Variants in EXOC8 observed in about 807,000 individuals in gnomAD.
EXOC8 encodes exocyst complex 84 kDa subunit.
A neutral mutation model predicts 50.8 loss-of-function variants in EXOC8; 19 were observed. The observed-to-expected ratio is 0.37, with a 90% CI of 0.26 to 0.55. EXOC8 has a LOEUF of 0.55. Among genes scored for constraint, EXOC8 ranks in the 20% least tolerant of loss-of-function variants. The pLI, the probability that EXOC8 is intolerant of heterozygous loss-of-function variation, is 0.80. For missense variants in EXOC8, 781 were observed against 915.8 expected (o/e 0.85, Z 1.90); for synonymous variants, 384 against 367.9 (o/e 1.04, Z -0.50).
In EXOC8 at chr1:231,336,198, A is replaced by G; in HGVS notation, c.1548T>C (p.Ser516=). Reference sequence around the variant, plus strand: ...CCACTTTTACACACTCAGCTGCTGTAGAGAGGCTCTCCTTACTATCAAACA... The same window carrying G: ...CCACTTTTACACACTCAGCTGCTGTGGAGAGGCTCTCCTTACTATCAAACA... ...KQVFDSKESL[S]TAAECVKVAK... is the part of the protein sequence containing the mutation. Residue 516 remains serine, a synonymous_variant, in exon 1 of 1, where the codon TCT becomes TCC. Coordinates refer to ENST00000366645, the MANE Select transcript of EXOC8 (RefSeq NM_175876.5). This position sits in a 1 kb window ranked among gnomAD's most constrained non-coding sequence, Gnocchi z 5.4. The G allele has an allele frequency of 6.2e-7, 1 of 1,614,134 alleles. No individual in the cohort carries two copies. Among genetic ancestry groups the G allele is most frequent in the Non-Finnish European group, 8.5e-7 (1 of 1,180,032 alleles).
Position 231,337,445 on chromosome 1 carries a change from T to C in EXOC8, c.301A>G (p.Ile101Val). ...LTEQKSSLES[I>V]PLTLLPAAAA... ...GCGGCAGGCAGCAACGTAAGCGGGA[T>C]GCTCTCCAGGCTGCTTTTCTGCTCG... The change falls in exon 1 of 1, where the codon ATC (isoleucine) becomes GTC (valine). Residue 101 changes from isoleucine (I) to valine (V), a missense_variant. By Grantham distance (29) the Ile-to-Val change is conservative. Around this residue, in one of 3 missense-constraint regions of EXOC8, gnomAD observed 700 missense variants for 804.1 expected, o/e 0.87. Coordinates refer to ENST00000366645, the MANE Select transcript of EXOC8 (RefSeq NM_175876.5). This position sits in a 1 kb window ranked among gnomAD's most constrained non-coding sequence, Gnocchi z 5.9. The C allele has an allele frequency of 1.9e-6, 3 of 1,611,100 alleles. No individual in the cohort carries two copies. Among genetic ancestry groups the C allele is most frequent in the Non-Finnish European group, 2.5e-6 (3 of 1,179,930 alleles).
Position 231,337,316 on chromosome 1 carries a change from CG to C in EXOC8, c.429del (p.Gly145ValfsTer45). 6.2e-7 allele frequency: 1 copy of C among 1,603,200 alleles called. No individual in the cohort carries two copies. The highest frequency in any genetic ancestry group is 8.5e-7 in the Non-Finnish European group (1 of 1,179,922). On this transcript the variant is annotated frameshift_variant, in exon 1 of 1. Transcript: ENST00000366645. LOFTEE classifies it high-confidence loss of function. This position sits in a 1 kb window ranked among gnomAD's most constrained non-coding sequence, Gnocchi z 5.9. The part of the protein sequence containing the change: ...LRGQAGFFST[P>X]GGASRDGSGP... ...CCGGAGCCGTCGCGGGAGGCACCCCCGGGGGTGGAGAAAAAGCCGGCCTGGC... is the reference window on the plus strand; with the variant it reads ...CCGGAGCCGTCGCGGGAGGCACCCCCGGGGTGGAGAAAAAGCCGGCCTGGC...
In EXOC8 at chr1:231,333,427, GA is replaced by G. The variant is rs572122296; in HGVS notation, c.*2140del. The G allele has an allele frequency of 6.6e-6, 1 of 152,502 alleles. No homozygotes were observed. Among genetic ancestry groups the G allele is most frequent in the Admixed American group, 6.5e-5 (1 of 15,284 alleles). The allele number at this position is 152,502 out of a possible 1,614,324, so 9.4% of individuals were successfully genotyped here. A position where few individuals can be genotyped will look rare whatever the true frequency, so the allele number is the denominator to read the frequency against. ...AGTTTTAAAAAGCAGACAATTCTATGAAGAAGCAACCATTTAAATATCTAAC... is the reference window on the plus strand; with the variant it reads ...AGTTTTAAAAAGCAGACAATTCTATGAGAAGCAACCATTTAAATATCTAAC... On this transcript the variant is annotated 3_prime_UTR_variant, in exon 1 of 1. Transcript: ENST00000366645.
chr1:231,336,975 G>A lies in EXOC8; in HGVS notation c.771C>T (p.Pro257=), dbSNP rs759512430. ...TTTCGGCCTGGAAAATACGGCTCTC[G>A]GGGAACATAAGCAGCTTGAACATGT... The part of the protein sequence containing the change: ...MKDMFKLLMF[P]ESRIFQAENA... Residue 257 remains proline, a synonymous_variant, in exon 1 of 1, where the codon CCC becomes CCT. Transcript: ENST00000366645. The surrounding 1 kb of genome is among the most constrained non-coding windows in gnomAD (Gnocchi z 5.4). 5 of 1,614,080 alleles carry A rather than the reference G, an allele frequency of 3.1e-6. No homozygotes were observed. The highest frequency in any genetic ancestry group is 1.1e-5 in the South Asian group (1 of 91,074).
At position 231,336,452 on chromosome 1, in the gene EXOC8, A is replaced by G. The variant is rs762533589; in HGVS notation, c.1294T>C (p.Leu432=). 6.2e-7 allele frequency: 1 copy of G among 1,613,900 alleles called. No homozygotes were observed. Among genetic ancestry groups the G allele is most frequent in the Middle Eastern group, 1.7e-4 (1 of 6,060 alleles). ...TGAACAGCGGCTGCCCTGTTTCTCA[A>G]AAATAGCTCACAGGCCTTCGTGCAC... ...GQCTKACELF[L]RNRAAAVHTA... Residue 432 remains leucine, a synonymous_variant, in exon 1 of 1, where the codon TTG becomes CTG. Transcript: ENST00000366645. The surrounding 1 kb of genome is among the most constrained non-coding windows in gnomAD (Gnocchi z 5.4).
In EXOC8 at chr1:231,337,790, G is replaced by C. The variant is rs1327157121; in HGVS notation, c.-45C>G. On this transcript the variant is annotated 5_prime_UTR_variant, in exon 1 of 1. Transcript: ENST00000366645. The surrounding 1 kb of genome is among the most constrained non-coding windows in gnomAD (Gnocchi z 5.9). ...ACTCACTGTCACTATCGGCGCCGCAGCCGCCGCGGCTGTCTAGACCCACCC... is the reference window on the plus strand; with the variant it reads ...ACTCACTGTCACTATCGGCGCCGCACCCGCCGCGGCTGTCTAGACCCACCC... 6.5e-7 allele frequency: 1 copy of C among 1,540,004 alleles called. No homozygotes were observed. The highest frequency in any genetic ancestry group is 1.4e-5 in the African/African-American group (1 of 72,342).
Position 231,335,861 on chromosome 1 carries a change from C to G in EXOC8, c.1885G>C (p.Glu629Gln). 6.2e-7 allele frequency: 1 copy of G among 1,614,162 alleles called. No homozygotes were observed. The highest frequency in any genetic ancestry group is 8.5e-7 in the Non-Finnish European group (1 of 1,180,046). ...AFTKQTMGFL[E>Q]EALKLYFPEL... ...GGGAAATACAGCTTCAGGGCCTCTT[C>G]CAAGAAGCCCATGGTCTGTTTGGTG... Residue 629 changes from glutamate to glutamine, a missense_variant, in exon 1 of 1, where the codon GAA (glutamate) becomes CAA (glutamine). Around this residue, in one of 3 missense-constraint regions of EXOC8, gnomAD observed 700 missense variants for 804.1 expected, o/e 0.87. Transcript: ENST00000366645.
At position 231,337,561 on chromosome 1, in the gene EXOC8, T is replaced by C. The variant is rs1267504772; in HGVS notation, c.185A>G (p.Asn62Ser). ...GAACTGCCGGTAGTTCTGGTAGACG[T>C]TGCGCTTCAGGTTCTGCGCCGTCTC... ...AEETAQNLKR[N>S]VYQNYRQFIE... Residue 62 changes from asparagine to serine, a missense_variant, in exon 1 of 1, where the codon AAC (asparagine) becomes AGC (serine). Physicochemically the swap from Asn to Ser is conservative, Grantham distance 46. Around this residue, in one of 3 missense-constraint regions of EXOC8, gnomAD observed 700 missense variants for 804.1 expected, o/e 0.87. Coordinates refer to ENST00000366645, the MANE Select transcript of EXOC8 (RefSeq NM_175876.5). The surrounding 1 kb of genome is among the most constrained non-coding windows in gnomAD (Gnocchi z 5.9). 7 of 1,613,108 alleles carry C rather than the reference T, an allele frequency of 4.3e-6. No homozygotes were observed. The highest frequency in any genetic ancestry group is 5.1e-6 in the Non-Finnish European group (6 of 1,179,936).
chr1:231,337,407 T>G lies in EXOC8; in HGVS notation c.339A>C (p.Gly113=). Residue 113 remains glycine (G), a synonymous_variant, in exon 1 of 1, where the codon GGA becomes GGC. Transcript: ENST00000366645. The surrounding 1 kb of genome is among the most constrained non-coding windows in gnomAD (Gnocchi z 5.9). ...LTLLPAAAAA[G]AAAASGGEEG... ...CCTCCCCTCCAGAGGCGGCGGCGGC[T>G]CCGGCGGCAGCAGCGGCAGGCAGCA... The G allele has an allele frequency of 6.2e-7, 1 of 1,605,290 alleles. No homozygotes were observed.
In EXOC8 at chr1:231,335,784, A is replaced by G. The variant is rs765648314; in HGVS notation, c.1962T>C (p.Ala654=). The G allele has an allele frequency of 3.1e-6, 5 of 1,614,070 alleles. No individual in the cohort carries two copies. Among genetic ancestry groups the G allele is most frequent in the Non-Finnish European group, 4.2e-6 (5 of 1,180,034 alleles). ...LESLVEIILV[A]VQHVDYSLRC... is the part of the protein sequence containing the mutation. ...GAAGACTATAATCCACATGCTGAAC[A>G]GCAACCAAAATGATTTCCACCAGGC... Residue 654 remains alanine, a synonymous_variant, in exon 1 of 1, where the codon GCT becomes GCC. Transcript: ENST00000366645.
In EXOC8 at chr1:231,336,180, T is replaced by C; in HGVS notation, c.1566A>G (p.Val522=). 6.2e-7 allele frequency: 1 copy of C among 1,614,190 alleles called. No individual in the cohort carries two copies. The highest frequency in any genetic ancestry group is 1.7e-5 in the Admixed American group (1 of 60,032). ...KESLSTAAEC[V]KVAKEHCQQL... ...GCTGGCAATGCTCCTTAGCCACTTT[T>C]ACACACTCAGCTGCTGTAGAGAGGC... Residue 522 remains valine (V), a synonymous_variant, in exon 1 of 1, where the codon GTA becomes GTG. Transcript: ENST00000366645. The surrounding 1 kb of genome is among the most constrained non-coding windows in gnomAD (Gnocchi z 5.4).
rs777028369 is a variant in EXOC8 at position 231,335,770 on chromosome 1, T to C, written c.1976A>G (p.Asp659Gly). The stretch of plus-strand genomic sequence containing the variant: ...ATCCTGCTCACATCGAAGACTATAA[T>C]CCACATGCTGAACAGCAACCAAAAT... ...EIILVAVQHV[D>G]YSLRCEQDPE... Residue 659 changes from aspartate to glycine, a missense_variant, in exon 1 of 1, where the codon GAT (aspartate) becomes GGT (glycine). Transcript: ENST00000366645. 3.1e-6 allele frequency: 5 copies of C among 1,614,024 alleles called. No individual in the cohort carries two copies. Among genetic ancestry groups the C allele is most frequent in the Non-Finnish European group, 4.2e-6 (5 of 1,180,026 alleles).
rs1686627246 is a variant in EXOC8 at position 231,334,706 on chromosome 1, A to G, written c.*862T>C. 6.6e-6 allele frequency: 1 copy of G among 152,228 alleles called. No homozygotes were observed. The highest frequency in any genetic ancestry group is 1.5e-5 in the Non-Finnish European group (1 of 68,038). 9.4% of individuals were successfully genotyped at this position (152,228 alleles called of 1,614,324 possible). ...AAATTAGCCATTCAAATTATATTGG[A>G]AATATTTGCTGAATTGTTTTTATGA... On this transcript the variant is annotated 3_prime_UTR_variant, in exon 1 of 1. Coordinates refer to ENST00000366645, the MANE Select transcript of EXOC8 (RefSeq NM_175876.5).
rs999036251 is a variant in EXOC8 at position 231,336,883 on chromosome 1, C to T, written c.863G>A (p.Arg288Lys). The change falls in exon 1 of 1, where the codon AGG (arginine) becomes AAG (lysine). Residue 288 changes from arginine (R) to lysine (K), a missense_variant. Physicochemically the swap from Arg to Lys is conservative, Grantham distance 26. Coordinates refer to ENST00000366645, the MANE Select transcript of EXOC8 (RefSeq NM_175876.5). The surrounding 1 kb of genome is among the most constrained non-coding windows in gnomAD (Gnocchi z 5.4). ...CGCTGCCTCCTCCTGCTCCCTTCGCCTTTTCTCACTGAGGGCCCTCTTGGT... is the reference window on the plus strand; with the variant it reads ...CGCTGCCTCCTCCTGCTCCCTTCGCTTTTTCTCACTGAGGGCCCTCTTGGT... Reference protein sequence around the residue: ...EDTKRALSEKRRREQEEAAAP... With the variant: ...EDTKRALSEKKRREQEEAAAP... 7 of 1,614,048 alleles carry T rather than the reference C, an allele frequency of 4.3e-6. No homozygotes were observed. In the African/African-American group the frequency reaches 8.0e-5, roughly 18 times the overall value.
Position 231,336,816 on chromosome 1 carries a change from G to C in EXOC8, c.930C>G (p.Asn310Lys). The C allele has an allele frequency of 2.5e-6, 4 of 1,614,106 alleles. No individual in the cohort carries two copies. Among genetic ancestry groups the C allele is most frequent in the Non-Finnish European group, 3.4e-6 (4 of 1,180,034 alleles). ...GPPQVTSKAT[N>K]PFEDDEEEEP... is the part of the protein sequence containing the mutation. The stretch of plus-strand genomic sequence containing the variant: ...CTTCTTCTTCGTCATCCTCAAATGG[G>C]TTAGTGGCCTTGGAAGTCACTTGGG... Residue 310 changes from asparagine to lysine, a missense_variant, in exon 1 of 1, where the codon AAC becomes AAG. Asn to Lys is a moderately conservative substitution (Grantham distance 94). This residue lies in a region of EXOC8 where 700 missense variants were observed against 804.1 expected (regional missense o/e 0.87). Coordinates refer to ENST00000366645, the MANE Select transcript of EXOC8 (RefSeq NM_175876.5). This position sits in a 1 kb window ranked among gnomAD's most constrained non-coding sequence, Gnocchi z 5.4.
chr1:231,334,684 T>C lies in EXOC8; in HGVS notation c.*884A>G, dbSNP rs868686846. ...CTGCTAATTAATTAGCAACTGAAAA[T>C]TAGCCATTCAAATTATATTGGAAAT... On this transcript the variant is annotated 3_prime_UTR_variant, in exon 1 of 1. Transcript: ENST00000366645. 25 of 152,346 alleles carry C rather than the reference T, an allele frequency of 1.6e-4. No homozygotes were observed. The Middle Eastern group carries it at 0.017, about 104-fold the overall frequency. The allele number at this position is 152,346 out of a possible 1,614,324, so 9.4% of individuals were successfully genotyped here.
At position 231,336,224 on chromosome 1, in the gene EXOC8, C is replaced by T; in HGVS notation, c.1522G>A (p.Val508Met). 6.2e-7 allele frequency: 1 copy of T among 1,614,076 alleles called. No homozygotes were observed. Among genetic ancestry groups the T allele is most frequent in the Non-Finnish European group, 8.5e-7 (1 of 1,180,040 alleles). ...GMFVDAFSKQVFDSKESLSTA... is the reference protein window; with the variant it reads ...GMFVDAFSKQMFDSKESLSTA... Reference sequence around the variant, plus strand: ...GAGAGGCTCTCCTTACTATCAAACACCTGCTTGCTAAAAGCATCCACGAAC... The same window carrying T: ...GAGAGGCTCTCCTTACTATCAAACATCTGCTTGCTAAAAGCATCCACGAAC... Residue 508 changes from valine to methionine, a missense_variant, in exon 1 of 1, where the codon GTG becomes ATG. Coordinates refer to ENST00000366645, the MANE Select transcript of EXOC8 (RefSeq NM_175876.5). This position sits in a 1 kb window ranked among gnomAD's most constrained non-coding sequence, Gnocchi z 5.4.
In EXOC8 at chr1:231,334,037, A is replaced by G. The variant is rs888205251; in HGVS notation, c.*1531T>C. The G allele has an allele frequency of 3.3e-5, 5 of 152,260 alleles. No homozygotes were observed. The South Asian group carries it at 8.3e-4, about 25-fold the overall frequency. The allele number at this position is 152,260 out of a possible 1,614,324, so 9.4% of individuals were successfully genotyped here. Reference sequence around the variant, plus strand: ...TTTCCCTCAAAGAATAAGGAACGCTATAGAATATACAACAGCGATAGTTTA... The same window carrying G: ...TTTCCCTCAAAGAATAAGGAACGCTGTAGAATATACAACAGCGATAGTTTA... On this transcript the variant is annotated 3_prime_UTR_variant, in exon 1 of 1. Coordinates refer to ENST00000366645, the MANE Select transcript of EXOC8 (RefSeq NM_175876.5).
rs780644126 is a variant in EXOC8 at position 231,337,580 on chromosome 1, C to T, written c.166G>A (p.Ala56Thr). Residue 56 changes from alanine (A) to threonine (T), a missense_variant, in exon 1 of 1, where the codon GCG becomes ACG. Physicochemically the swap from Ala to Thr is moderately conservative, Grantham distance 58. This residue lies in a region of EXOC8 where 700 missense variants were observed against 804.1 expected (regional missense o/e 0.87). Coordinates refer to ENST00000366645, the MANE Select transcript of EXOC8 (RefSeq NM_175876.5). The surrounding 1 kb of genome is among the most constrained non-coding windows in gnomAD (Gnocchi z 5.9). The stretch of plus-strand genomic sequence containing the variant: ...TAGACGTTGCGCTTCAGGTTCTGCG[C>T]CGTCTCCTCCGCCAGCGCCTGGATG... ...QRIQALAEET[A>T]QNLKRNVYQN... 1 of 1,612,704 alleles carries T rather than the reference C, an allele frequency of 6.2e-7. No individual in the cohort carries two copies. The highest frequency in any genetic ancestry group is 8.5e-7 in the Non-Finnish European group (1 of 1,179,988).
Sources: gnomAD v4.1 joint callset for allele counts on GRCh38, gnomAD v4.1.1 for gene constraint, gnomAD v4.1.1 regional missense constraint, Gnocchi (gnomAD v3.1) non-coding constraint, MANE v1.5 for transcripts, NCBI Gene and HGNC (gene_info 2026-07-23, HGNC 2026-07-21) for gene names.